PALLD: variants seen among roughly 807,000 people sequenced by gnomAD.
PALLD encodes the protein palladin, cytoskeletal associated protein.
Under a neutral mutation model 123.5 loss-of-function variants are expected in PALLD, and 61 were observed. That is an observed-to-expected ratio of 0.49 (90% CI 0.40 to 0.61). The LOEUF is 0.61. Among genes scored for constraint, PALLD ranks in the 20% least tolerant of loss-of-function variants. The probability of loss-of-function intolerance (pLI) is 0.00; values close to 1 mark genes in which losing one functional copy is unlikely to be tolerated. For missense variants in PALLD, 1,273 were observed against 1,377.0 expected, an observed-to-expected ratio of 0.92 and a Z score of 1.20; for synonymous variants, 465 against 496.4, an observed-to-expected ratio of 0.94 and a Z score of 0.84.
At chr4:168,876,210 G>A (rs1354902025) in intron 10 of PALLD, among the ~76,000 whole-genome samples, 2 of 152,194 alleles carry the variant, frequency 1.3e-5, no homozygotes, top group African/African-American at 4.8e-5. Flanking sequence ...TTGGGGACTC[G>A]GAATGGAGAG....
At chr4:168,915,266 C>T (rs2151420382) in intron 16 of PALLD, among the ~76,000 whole-genome samples, 1 of 152,278 alleles carries the variant, frequency 6.6e-6, no homozygotes, top group South Asian at 2.1e-4. Context: ...TTTAAGTCTT[C>T]CCTGCGATTA....
rs538511261 is a variant in PALLD at position 168,601,442 on chromosome 4, T to TCCA, written c.909-66743_909-66741dup. Reference sequence around the variant, plus strand: ...AATAGCCTGTTAGAGAGAACCACCCTCCACCACTACCACCGTCACCACCAG... The same window carrying TCCA: ...AATAGCCTGTTAGAGAGAACCACCCTCCACCACCACTACCACCGTCACCACCAG... On this transcript the variant is annotated intron_variant, in intron 2 of 21. Transcript: ENST00000505667. 7.2e-5 allele frequency among the ~76,000 whole-genome samples: 11 copies of TCCA among 152,090 alleles called. No homozygotes were observed. The East Asian group carries it at 1.9e-3, about 27-fold the overall frequency.
intron 10 of PALLD, among the ~76,000 whole-genome samples, chr4:168,713,619 A>G (rs1785047209): frequency 6.6e-6 from 1 of 152,212 alleles, no homozygotes; most frequent in African/African-American, 2.4e-5. Context: ...AGCCAGGTTA[A>G]TGTATATGGC....
At chr4:168,890,472 G>A (rs1753993326) in intron 10 of PALLD, among the ~76,000 whole-genome samples, 1 of 152,118 alleles carries the variant, frequency 6.6e-6, no homozygotes, top group African/African-American at 2.4e-5. Flanking sequence ...CTAGAAGACT[G>A]AATAAAAGTA....
At chr4:168,719,490 C>T (rs1244347827) in intron 10 of PALLD, among the ~76,000 whole-genome samples, 1 of 152,086 alleles carries the variant, frequency 6.6e-6, no homozygotes, top group Non-Finnish European at 1.5e-5. Context: ...GAACTCCTCA[C>T]CTCAGGTGAT....
At chr4:168,799,683 C>T (rs1739037017) in intron 10 of PALLD, among the ~76,000 whole-genome samples, 1 of 152,156 alleles carries the variant, frequency 6.6e-6, no homozygotes, top group Non-Finnish European at 1.5e-5. Context: ...TGACAATCAG[C>T]ACTTCTGTTG....
At chr4:168,893,377 G>A (rs1468682024) in intron 11 of PALLD, among the ~76,000 whole-genome samples, 1 of 152,100 alleles carries the variant, frequency 6.6e-6, no homozygotes, top group Non-Finnish European at 1.5e-5. Flanking sequence ...TCTTTATTAA[G>A]TGAAATAATT....
intron 10 of PALLD, among the ~76,000 whole-genome samples, chr4:168,847,514 A>G (rs747305634): frequency 3.9e-5 from 6 of 152,204 alleles, no homozygotes; most frequent in Non-Finnish European, 8.8e-5. Context: ...TGGGTGTTGT[A>G]AGTATTTATA....
intron 2 of PALLD, among the ~76,000 whole-genome samples, chr4:168,625,515 A>ATATATATATATATATATC (rs2149809396): frequency 1.4e-5 from 2 of 144,722 alleles, no homozygotes; most frequent in Non-Finnish European, 3.0e-5. Flanking sequence ...ATATATATAT[A>ATATATATATATATATATC]TATCCTATAA....
chr4:168,798,439 A>G (rs1434734223), intron 10 of PALLD, among the ~76,000 whole-genome samples: 2 of 152,194 alleles, frequency 1.3e-5, no homozygotes, highest in Non-Finnish European at 2.9e-5. Context: ...CATTTCTTAT[A>G]AAGTTTTAAC....
chr4:168,790,771 CCT>C (rs1037509135), intron 10 of PALLD, among the ~76,000 whole-genome samples: 20 of 152,178 alleles, frequency 1.3e-4, no homozygotes, highest in Admixed American at 9.8e-4. Context: ...ACTGAGTATT[CCT>C]CTCTTTTATT....
At chr4:168,658,930 C>T (rs770557880) in intron 2 of PALLD, among the ~76,000 whole-genome samples, 55 of 152,118 alleles carry the variant, frequency 3.6e-4, no homozygotes, top group Non-Finnish European at 7.8e-4. Context: ...TATTGGCCTT[C>T]GAGCTAAGCA....
chr4:168,752,108 C>T (rs1269901524), intron 10 of PALLD, among the ~76,000 whole-genome samples: 1 of 152,212 alleles, frequency 6.6e-6, no homozygotes, highest in South Asian at 2.1e-4. Context: ...GCTGGGTGCT[C>T]ACGGCTGTAA....
At chr4:168,755,094 G>A (rs547095358) in intron 10 of PALLD, among the ~76,000 whole-genome samples, 149 of 152,162 alleles carry the variant, frequency 9.8e-4, no homozygotes, top group Non-Finnish European at 1.8e-3. Context: ...TTAGCCAGGC[G>A]TGGTGGCGGG....
chr4:168,513,737 A>C (rs1762741445), intron 2 of PALLD, among the ~76,000 whole-genome samples: 1 of 152,220 alleles, frequency 6.6e-6, no homozygotes, highest in Non-Finnish European at 1.5e-5. Context: ...ACAAATAATG[A>C]ATATTCATTT....
chr4:168,588,430 G>T (rs192825854), intron 2 of PALLD, among the ~76,000 whole-genome samples: 5 of 151,878 alleles, frequency 3.3e-5, no homozygotes, highest in African/African-American at 1.2e-4. Flanking sequence ...TTGAGACAGA[G>T]TCTCACTCTG....
intron 10 of PALLD, among the ~76,000 whole-genome samples, chr4:168,791,598 T>C (rs143578141): frequency 2.3e-3 from 352 of 152,240 alleles, no homozygotes; most frequent in Middle Eastern, 0.017. Flanking sequence ...ATGATTCAAT[T>C]ACCTCCACCT....
At chr4:168,515,894 T>C (rs1762944946) in intron 2 of PALLD, among the ~76,000 whole-genome samples, 1 of 152,284 alleles carries the variant, frequency 6.6e-6, no homozygotes, top group South Asian at 2.1e-4. Flanking sequence ...TTGTTTGCTT[T>C]TGAAAGCTGG....
chr4:168,598,731 G>T, intron 2 of PALLD: 2 of 408,930 alleles, frequency 4.9e-6, no homozygotes, highest in South Asian at 3.9e-5. Context: ...CTCCTATCTG[G>T]ACCTGAGCCT....
Sources: gnomAD v4.1 joint callset for allele counts (sites outside exome capture counted in the v4.1 genomes callset) on GRCh38, gnomAD v4.1.1 for gene constraint, MANE v1.5 for transcripts, NCBI Gene and HGNC (gene_info 2026-07-23, HGNC 2026-07-21) for gene names.